The following CNTNAP5 variants were observed in gnomAD, a reference collection of about 807,000 sequenced individuals.
The protein encoded by CNTNAP5 is contactin associated protein family member 5.
In CNTNAP5, 72 loss-of-function variants were observed where a neutral mutation model predicts 150.2. The observed-to-expected ratio is 0.48, with a 90% CI of 0.40 to 0.58. The LOEUF is 0.58. CNTNAP5 is among the 20% of genes least tolerant of loss of function. The pLI is 0.00. For synonymous variants in CNTNAP5, 672 were observed against 619.8 expected (o/e 1.08, Z -1.25); for missense variants, 1,636 against 1,626.2 (o/e 1.01, Z -0.10).
chr2:124,378,365 T>C (rs971037381), intron 3 of CNTNAP5, among the ~76,000 whole-genome samples: 2 of 152,102 alleles, frequency 1.3e-5, no homozygotes, highest in African/African-American at 4.8e-5. Context: ...CCCCACTCTC[T>C]CTCTAACTCC....
At chr2:124,698,944 T>C (rs1303549297) in intron 13 of CNTNAP5, among the ~76,000 whole-genome samples, 1 of 152,210 alleles carries the variant, frequency 6.6e-6, no homozygotes, top group Non-Finnish European at 1.5e-5. Flanking sequence ...GTGTGAGGAA[T>C]GGAATTCTGT....
rs77101230 is a variant in CNTNAP5 at position 124,091,481 on chromosome 2, A to C, written c.82+65749A>C. Among the ~76,000 whole-genome samples the C allele has an allele frequency of 4.6e-5, 7 of 152,312 alleles. No homozygotes were observed. The East Asian group carries it at 1.4e-3, about 29-fold the overall frequency. On this transcript the variant is annotated intron_variant, in intron 1 of 23. Coordinates refer to ENST00000682447, the MANE Select transcript of CNTNAP5 (RefSeq NM_001367498.1). ...GCTTGCAGTCGTGATCTCATCACTTATTAGTTTTTATCACTTTGAACCTCA... is the reference window on the plus strand; with the variant it reads ...GCTTGCAGTCGTGATCTCATCACTTCTTAGTTTTTATCACTTTGAACCTCA...
chr2:124,874,288 G>A (rs980711209), intron 21 of CNTNAP5, among the ~76,000 whole-genome samples: 3 of 152,000 alleles, frequency 2.0e-5, no homozygotes, highest in Non-Finnish European at 4.4e-5. Context: ...GAGAGAGAGA[G>A]CACATATTTA....
chr2:124,624,586 A>G (rs1008378359), intron 12 of CNTNAP5, among the ~76,000 whole-genome samples: 3 of 152,236 alleles, frequency 2.0e-5, no homozygotes, highest in Non-Finnish European at 4.4e-5. Context: ...AGTAATTCAA[A>G]TAAACTTTTG....
intron 2 of CNTNAP5, among the ~76,000 whole-genome samples, chr2:124,223,239 C>T (rs1414778705): frequency 6.6e-6 from 1 of 152,046 alleles, no homozygotes; most frequent in Non-Finnish European, 1.5e-5. Flanking sequence ...GTTAACAAAT[C>T]GCTTCACTAG....
rs56676705 is a variant in CNTNAP5 at position 124,856,075 on chromosome 2, GGTGTGTGTGT to G, written c.3218-9202_3218-9193del. On this transcript the variant is annotated intron_variant, in intron 19 of 23. Transcript: ENST00000682447. The stretch of plus-strand genomic sequence containing the variant: ...TTCTTATGGCTGAGTAATAGTCCAT[GGTGTGTGTGT>G]GTGTGTGTGTGTGTGTGTGTGTGTG... 1.7e-3 allele frequency among the ~76,000 whole-genome samples: 249 copies of G among 144,306 alleles called. 2 individuals carry two copies. The highest frequency in any genetic ancestry group is 0.013 in the East Asian group (64 of 4,836). 94.7% of individuals were successfully genotyped at this position (144,306 alleles called of 152,430 possible).
intron 1 of CNTNAP5, among the ~76,000 whole-genome samples, chr2:124,131,344 G>A (rs976671396): frequency 3.9e-5 from 6 of 152,170 alleles, no homozygotes; most frequent in Non-Finnish European, 7.4e-5. Context: ...GTGAAGAAAT[G>A]CCATGAGATG....
intron 1 of CNTNAP5, among the ~76,000 whole-genome samples, chr2:124,125,531 A>T (rs1317141356): frequency 6.6e-6 from 1 of 152,176 alleles, no homozygotes; most frequent in Non-Finnish European, 1.5e-5. Flanking sequence ...AAGGCTATCC[A>T]GGAATTGAAC....
At chr2:124,866,508 A>C (rs987470461) in intron 20 of CNTNAP5, among the ~76,000 whole-genome samples, 4 of 152,140 alleles carry the variant, frequency 2.6e-5, no homozygotes, top group African/African-American at 9.7e-5. Flanking sequence ...CCTGGGCATC[A>C]GTACTTACTT....
chr2:124,267,374 G>A (rs1320657446), intron 3 of CNTNAP5, among the ~76,000 whole-genome samples: 5 of 152,186 alleles, frequency 3.3e-5, no homozygotes, highest in Admixed American at 1.3e-4. Flanking sequence ...CATTCCAAAT[G>A]TAACTCTTCT....
intron 3 of CNTNAP5, among the ~76,000 whole-genome samples, chr2:124,413,925 A>T (rs1691847692): frequency 6.6e-6 from 1 of 151,952 alleles, no homozygotes; most frequent in South Asian, 2.1e-4. Flanking sequence ...ACTTCGGAGA[A>T]TAGCCTTAAC....
chr2:124,731,046 G>A (rs17393347), intron 13 of CNTNAP5, among the ~76,000 whole-genome samples: 23,036 of 151,904 alleles, frequency 0.15, 2,157 homozygotes, highest in South Asian at 0.22. Flanking sequence ...TTGCTGCCTC[G>A]TGCCGTTTCC....
intron 1 of CNTNAP5, among the ~76,000 whole-genome samples, chr2:124,118,909 C>T (rs1375941294): frequency 1.3e-5 from 2 of 152,164 alleles, no homozygotes; most frequent in African/African-American, 4.8e-5. Flanking sequence ...GTCTATCTGG[C>T]TCCAAATACT....
At chr2:124,651,184 G>C (rs964655449) in intron 13 of CNTNAP5, among the ~76,000 whole-genome samples, 2 of 152,178 alleles carry the variant, frequency 1.3e-5, no homozygotes, top group African/African-American at 4.8e-5. Context: ...AAGCGTGCAG[G>C]CTGATTACCA....
intron 2 of CNTNAP5, among the ~76,000 whole-genome samples, chr2:124,232,886 A>G (rs1008512563): frequency 6.6e-6 from 1 of 152,152 alleles, no homozygotes; most frequent in Non-Finnish European, 1.5e-5. Context: ...TCCAGCTCAC[A>G]CTGGTTGAAA....
At chr2:124,071,138 A>G (rs1682293503) in intron 1 of CNTNAP5, among the ~76,000 whole-genome samples, 1 of 152,002 alleles carries the variant, frequency 6.6e-6, no homozygotes, top group Non-Finnish European at 1.5e-5. Flanking sequence ...AATTTTTTTG[A>G]AGCAAATGAT....
At chr2:124,827,192 G>A (rs777605429) in intron 19 of CNTNAP5, among the ~76,000 whole-genome samples, 2 of 152,094 alleles carry the variant, frequency 1.3e-5, no homozygotes, top group African/African-American at 2.4e-5. Context: ...CCAAAGTACT[G>A]AGATTATAGA....
chr2:124,689,748 T>C (rs1200140984), intron 13 of CNTNAP5, among the ~76,000 whole-genome samples: 1 of 152,036 alleles, frequency 6.6e-6, no homozygotes, highest in Non-Finnish European at 1.5e-5. Flanking sequence ...AACACTTCAA[T>C]CTCTATTTAT....
At chr2:124,266,969 GA>G (rs999343045) in intron 3 of CNTNAP5, among the ~76,000 whole-genome samples, 8 of 111,134 alleles carry the variant, frequency 7.2e-5, no homozygotes, top group South Asian at 5.1e-4. Flanking sequence ...ATAGATGAGA[GA>G]TTTTTTTTTT....
Sources: allele counts gnomAD v4.1 joint callset (sites outside exome capture counted in the v4.1 genomes callset), GRCh38; gene constraint gnomAD v4.1.1; transcripts MANE v1.5; gene names NCBI Gene and HGNC (gene_info 2026-07-23, HGNC 2026-07-21).